Variants in ZNF544 observed in about 807,000 individuals in gnomAD.
ZNF544 encodes zinc finger protein 544, also known as zinc finger protein AF020591.
In ZNF544, 10 loss-of-function variants were observed where a neutral mutation model predicts 13.5. That is an observed-to-expected ratio of 0.74 (90% CI 0.46 to 1.25). ZNF544 has a LOEUF of 1.25. Among genes scored for constraint, ZNF544 ranks in the 50% most tolerant of loss-of-function variants. The pLI is 0.00. For synonymous variants in ZNF544, 323 were observed against 300.5 expected, an observed-to-expected ratio of 1.07 and a Z score of -0.77; for missense variants, 896 against 845.6, an observed-to-expected ratio of 1.06 and a Z score of -0.74.
Position 58,246,294 on chromosome 19 carries a change from G to A in ZNF544, c.34-7G>A, listed in dbSNP as rs369005786. ...GTCTCTGAGCAGTAACAAGTGCCCT[G>A]TTTCAGGCATCTGTGTGCTTCGAGG... is the stretch of plus-strand genomic sequence containing the variant. On this transcript the variant is annotated splice_polypyrimidine_tract_variant and splice_region_variant and intron_variant, in intron 4 of 6. Transcript: ENST00000687789. The A allele has an allele frequency of 1.2e-6, 2 of 1,614,022 alleles. No homozygotes were observed. The highest frequency in any genetic ancestry group is 2.7e-5 in the African/African-American group (2 of 75,048).
chr19:58,262,852 A>G lies in ZNF544; in HGVS notation c.*98A>G, dbSNP rs2049292101. On this transcript the variant is annotated 3_prime_UTR_variant, in exon 7 of 7. Coordinates refer to ENST00000687789, the MANE Select transcript of ZNF544 (RefSeq NM_014480.4). ...GGGAAGAGCTATCAGTGTGACGTGT[A>G]TTAAGCCAGCGGTTGTGACTCATTG... The G allele has an allele frequency of 6.7e-7, 1 of 1,503,258 alleles. No individual in the cohort carries two copies. 93.1% of individuals were successfully genotyped at this position (1,503,258 alleles called of 1,614,324 possible).
intron 6 of ZNF544, chr19:58,247,472 G>C (rs2045491697): frequency 6.6e-6 from 1 of 152,350 alleles, no homozygotes; most frequent in African/African-American, 2.4e-5. Context: ...GTGTTAGCCA[G>C]GATGGTCTTG....
exon 7 of ZNF544, chr19:58,277,371 T>C (rs1055042574): frequency 2.1e-5 from 15 of 719,322 alleles, no homozygotes; most frequent in African/African-American, 2.0e-4. Context: ...TGAAGGGCCA[T>C]GTCATGGTTG....
At position 58,262,735 on chromosome 19, in the gene ZNF544, A is replaced by C. The variant is rs1216981473; in HGVS notation, c.2129A>C (p.His710Pro). The C allele has an allele frequency of 6.2e-7, 1 of 1,601,768 alleles. No individual in the cohort carries two copies. The highest frequency in any genetic ancestry group is 8.5e-7 in the Non-Finnish European group (1 of 1,172,302). Residue 710 changes from histidine to proline, a missense_variant, in exon 7 of 7, where the codon CAT becomes CCT. Transcript: ENST00000687789. Reference sequence around the variant, plus strand: ...CAACTTGTAGTGCATCGGCGGACACATACTGGAGAGAAACCTTAGGAGTGC... The same window carrying C: ...CAACTTGTAGTGCATCGGCGGACACCTACTGGAGAGAAACCTTAGGAGTGC... Reference protein sequence around the residue: ...QSQLVVHRRTHTGEKP With the variant: ...QSQLVVHRRTPTGEKP
intron 3 of ZNF544, among the ~76,000 whole-genome samples, chr19:58,235,754 T>A (rs2042242069): frequency 6.6e-6 from 1 of 152,216 alleles, no homozygotes; most frequent in African/African-American, 2.4e-5. Context: ...CTTTAAAATT[T>A]GTGTGATTAA....
In ZNF544 at chr19:58,261,142, C is replaced by T. The variant is rs2048852825; in HGVS notation, c.536C>T (p.Pro179Leu). 6.2e-7 allele frequency: 1 copy of T among 1,613,992 alleles called. No homozygotes were observed. ...STLSLLPTTL[P>L]TSTGFPKPNS... Reference sequence around the variant, plus strand: ...TTAAGCCTTCTACCTACAACATTACCTACAAGTACAGGTTTCCCTAAGCCC... The same window carrying T: ...TTAAGCCTTCTACCTACAACATTACTTACAAGTACAGGTTTCCCTAAGCCC... The change falls in exon 7 of 7, where the codon CCT (proline) becomes CTT (leucine). Residue 179 changes from proline to leucine, a missense_variant. Coordinates refer to ENST00000687789, the MANE Select transcript of ZNF544 (RefSeq NM_014480.4).
chr19:58,235,568 A>G (rs1371662359), intron 3 of ZNF544, among the ~76,000 whole-genome samples: 1 of 152,222 alleles, frequency 6.6e-6, no homozygotes, highest in African/African-American at 2.4e-5. Flanking sequence ...ATAGTTAATA[A>G]TCTCTTATAT....
At chr19:58,248,188 A>G (rs888277020) in intron 6 of ZNF544, among the ~76,000 whole-genome samples, 1 of 151,346 alleles carries the variant, frequency 6.6e-6, no homozygotes, top group Non-Finnish European at 1.5e-5. Context: ...CTGGGATTAC[A>G]GGCGTGAGCC....
At chr19:58,272,586 G>A (rs1182980406) in intron 5 of ZNF544, among the ~76,000 whole-genome samples, 1 of 151,752 alleles carries the variant, frequency 6.6e-6, no homozygotes, top group African/African-American at 2.4e-5. Context: ...TAATCCCTTG[G>A]ATTTAAAGGG....
Position 58,263,242 on chromosome 19 carries a change from C to T in ZNF544, c.*488C>T. ...TTGCGAGGCCGAGGCAGGTGGATCACTTGAGCCCAGGAGTTTGAAACCAGC... is the reference window on the plus strand; with the variant it reads ...TTGCGAGGCCGAGGCAGGTGGATCATTTGAGCCCAGGAGTTTGAAACCAGC... On this transcript the variant is annotated 3_prime_UTR_variant, in exon 7 of 7. Transcript: ENST00000687789. The T allele has an allele frequency of 2.1e-6, 2 of 972,974 alleles. No individual in the cohort carries two copies. The highest frequency in any genetic ancestry group is 2.4e-6 in the Non-Finnish European group (2 of 817,514). The allele number at this position is 972,974 out of a possible 1,614,324, so 60.3% of individuals were successfully genotyped here. A position where few individuals can be genotyped will look rare whatever the true frequency, so the allele number is the denominator to read the frequency against.
Position 58,261,587 on chromosome 19 carries a change from A to T in ZNF544, c.981A>T (p.Arg327Ser). The change falls in exon 7 of 7, where the codon AGA becomes AGT. Residue 327 changes from arginine (R) to serine (S), a missense_variant. Transcript: ENST00000687789. ...GTGGCCCTGGAGAGACCCCCTTCAG[A>T]TGTGAGGAACGCTGTGCTGCCTTCC... is the stretch of plus-strand genomic sequence containing the variant. ...ERSGPGETPF[R>S]CEERCAAFPM... 6.2e-7 allele frequency: 1 copy of T among 1,614,230 alleles called. No individual in the cohort carries two copies. Among genetic ancestry groups the T allele is most frequent in the Non-Finnish European group, 8.5e-7 (1 of 1,180,044 alleles).
At chr19:58,274,739 C>A (rs928047293) in intron 5 of ZNF544, among the ~76,000 whole-genome samples, 1 of 152,078 alleles carries the variant, frequency 6.6e-6, no homozygotes, top group Non-Finnish European at 1.5e-5. Flanking sequence ...TTTTTCAAAT[C>A]TCCTTAATGT....
At chr19:58,232,346 CTTTTTTTT>C (rs71190011) in intron 3 of ZNF544, among the ~76,000 whole-genome samples, 1 of 75,232 alleles carries the variant, frequency 1.3e-5, no homozygotes, top group Non-Finnish European at 2.4e-5. Flanking sequence ...ACAATTTTAT[CTTTTTTTT>C]TTTTTTTTTT....
Position 58,262,404 on chromosome 19 carries a change from G to A in ZNF544, c.1798G>A (p.Gly600Arg), listed in dbSNP as rs1470198138. 4 of 1,614,218 alleles carry A rather than the reference G, an allele frequency of 2.5e-6. No homozygotes were observed. In the East Asian group the frequency reaches 8.9e-5, roughly 36 times the overall value. ...QLVAHKRTHTGEKPYECNECG... is the reference protein window; with the variant it reads ...QLVAHKRTHTREKPYECNECG... ...AGTTGCACATAAAAGAACTCACACT[G>A]GAGAAAAGCCCTATGAATGTAACGA... is the stretch of plus-strand genomic sequence containing the variant. The change falls in exon 7 of 7, where the codon GGA (glycine) becomes AGA (arginine). Residue 600 changes from glycine to arginine, a missense_variant. Physicochemically the swap from Gly to Arg is moderately radical, Grantham distance 125. Coordinates refer to ENST00000687789, the MANE Select transcript of ZNF544 (RefSeq NM_014480.4).
intron 3 of ZNF544, among the ~76,000 whole-genome samples, chr19:58,239,369 CTG>C (rs1479549040): frequency 1.5e-5 from 2 of 132,726 alleles, no homozygotes; most frequent in African/African-American, 5.8e-5. Context: ...ACTCTGGAAA[CTG>C]TCTTCAAACA....
Position 58,261,572 on chromosome 19 carries a change from A to C in ZNF544, c.966A>C (p.Gly322=). The C allele has an allele frequency of 6.2e-7, 1 of 1,614,180 alleles. No individual in the cohort carries two copies. Among genetic ancestry groups the C allele is most frequent in the Non-Finnish European group, 8.5e-7 (1 of 1,180,040 alleles). ...TACAAACAGAAAGAAGTGGCCCTGG[A>C]GAGACCCCCTTCAGATGTGAGGAAC... ...CLVQTERSGP[G]ETPFRCEERC... The change falls in exon 7 of 7, where the codon GGA becomes GGC. Residue 322 remains glycine, a synonymous_variant. Coordinates refer to ENST00000687789, the MANE Select transcript of ZNF544 (RefSeq NM_014480.4).
chr19:58,255,601 C>CAAA (rs1432232733), intron 6 of ZNF544, among the ~76,000 whole-genome samples: 1 of 141,462 alleles, frequency 7.1e-6, no homozygotes, highest in African/African-American at 2.6e-5. Flanking sequence ...TTGTGGATCC[C>CAAA]AAAGGTCTTC....
chr19:58,237,641 C>T (rs2042712371), intron 3 of ZNF544, among the ~76,000 whole-genome samples: 1 of 152,222 alleles, frequency 6.6e-6, no homozygotes, highest in Non-Finnish European at 1.5e-5. Flanking sequence ...TTTTTCCCCA[C>T]TCATCCATGG....
At chr19:58,240,511 C>A (rs75621531) in intron 3 of ZNF544, among the ~76,000 whole-genome samples, 2 of 152,032 alleles carry the variant, frequency 1.3e-5, no homozygotes, top group Admixed American at 6.6e-5. Flanking sequence ...CACACCTCAG[C>A]CTCCCAAAGT....
Sources: gnomAD v4.1 joint callset for allele counts (sites outside exome capture counted in the v4.1 genomes callset) on GRCh38, gnomAD v4.1.1 for gene constraint, MANE v1.5 for transcripts, NCBI Gene and HGNC (gene_info 2026-07-23, HGNC 2026-07-21) for gene names.